RPH3AL: variants seen among roughly 807,000 people sequenced by gnomAD.
RPH3AL encodes rabphilin 3A like (without C2 domains), also known as rab effector Noc2.
Under a neutral mutation model 43.1 loss-of-function variants are expected in RPH3AL, and 38 were observed. The ratio of observed to expected loss-of-function variants is 0.88; its 90% confidence interval spans 0.68 to 1.15. The LOEUF is 1.15. Ranked by LOEUF, RPH3AL falls within the 50% of genes most tolerant of loss-of-function variation. The pLI is 0.00. For synonymous variants in RPH3AL, 189 were observed against 176.3 expected (o/e 1.07, Z -0.57); for missense variants, 462 against 423.2 (o/e 1.09, Z -0.81).
At chr17:244,317 G>A (rs1175526484) in intron 7 of RPH3AL, among the ~76,000 whole-genome samples, 1 of 149,954 alleles carries the variant, frequency 6.7e-6, no homozygotes, top group African/African-American at 2.4e-5. Context: ...TTCCAACAGG[G>A]CATGAGAAAG....
At chr17:234,276 C>T (rs570256877) in intron 7 of RPH3AL, 1 of 133,574 alleles carries the variant, frequency 7.5e-6, no homozygotes, top group South Asian at 1.2e-4. Flanking sequence ...GAGCAGGGAG[C>T]GGCTACTTAC....
In RPH3AL at chr17:320,520, G is replaced by A. The variant is rs140019427; in HGVS notation, c.221+752C>T. Among the ~76,000 whole-genome samples the A allele has an allele frequency of 2.2e-4, 33 of 152,088 alleles. No individual in the cohort carries two copies. The East Asian group carries it at 4.6e-3, about 21-fold the overall frequency. On this transcript the variant is annotated intron_variant, in intron 4 of 9. Coordinates refer to ENST00000331302, the MANE Select transcript of RPH3AL (RefSeq NM_006987.4). ...GCTGGGTGTGGTGGTGCCCACGCACGGTCCTAGCTACTTAAGGCTGAGGTG... is the reference window on the plus strand; with the variant it reads ...GCTGGGTGTGGTGGTGCCCACGCACAGTCCTAGCTACTTAAGGCTGAGGTG...
intron 3 of RPH3AL, among the ~76,000 whole-genome samples, chr17:326,065 C>T (rs1219598615): frequency 3.3e-5 from 5 of 152,222 alleles, no homozygotes; most frequent in South Asian, 2.1e-4. Flanking sequence ...TGGGCCCTGT[C>T]GAGAGCACAG....
intron 5 of RPH3AL, among the ~76,000 whole-genome samples, chr17:314,411 A>C (rs1555518070): frequency 6.6e-6 from 1 of 151,294 alleles, no homozygotes; most frequent in Non-Finnish European, 1.5e-5. Flanking sequence ...TCTGTGCCCC[A>C]CCTCCACTGA....
chr17:289,121 G>C lies in RPH3AL; in HGVS notation c.352-7267C>G, dbSNP rs1391394534. ...CCGTTTAGAGGTGAACTTGGACTCG[G>C]TACTCGCCTTCTGAGCCTCACTTCC... On this transcript the variant is annotated intron_variant, in intron 5 of 9. Transcript: ENST00000331302. The surrounding 1 kb of genome is among the most constrained non-coding windows in gnomAD (Gnocchi z 5.2). Among the ~76,000 whole-genome samples the C allele has an allele frequency of 6.6e-6, 1 of 152,146 alleles. No individual in the cohort carries two copies. The highest frequency in any genetic ancestry group is 1.5e-5 in the Non-Finnish European group (1 of 68,032).
At chr17:349,868 T>C (rs1156829787) in intron 1 of RPH3AL, among the ~76,000 whole-genome samples, 4 of 151,992 alleles carry the variant, frequency 2.6e-5, no homozygotes, top group Admixed American at 6.6e-5. Context: ...TCACTCACAA[T>C]CTCCACTGCA....
At chr17:337,407 C>A (rs2044988520) in intron 1 of RPH3AL, among the ~76,000 whole-genome samples, 1 of 152,196 alleles carries the variant, frequency 6.6e-6, no homozygotes. Context: ...AGCCTGCCAA[C>A]AAAATTTTAT....
intron 7 of RPH3AL, among the ~76,000 whole-genome samples, chr17:221,294 A>G (rs2040965659): frequency 3.0e-5 from 3 of 100,180 alleles, no homozygotes; most frequent in Non-Finnish European, 6.3e-5. Context: ...TCACTGAGAC[A>G]ATAGACCCAA....
intron 6 of RPH3AL, among the ~76,000 whole-genome samples, chr17:269,054 A>AT (rs1286902518): frequency 3.3e-5 from 5 of 151,746 alleles, no homozygotes; most frequent in East Asian, 1.9e-4. Flanking sequence ...AATTTTTTGT[A>AT]TTTTTAGTAG....
At chr17:219,513 T>G in intron 8 of RPH3AL, 110 bp downstream of exon 8, 2 of 314,768 alleles carry the variant, frequency 6.4e-6, no homozygotes, top group African/African-American at 2.8e-5. Flanking sequence ...TTTCATTTCT[T>G]TTCTTTTTCT....
chr17:218,611 G>A (rs2040873477), intron 8 of RPH3AL, among the ~76,000 whole-genome samples: 1 of 152,156 alleles, frequency 6.6e-6, no homozygotes, highest in South Asian at 2.1e-4. Flanking sequence ...AATGAAGCTG[G>A]CCCTTTTCCC....
At position 323,543 on chromosome 17, in the gene RPH3AL, T is replaced by G. The variant is rs573898906; in HGVS notation, c.78-2128A>C. On this transcript the variant is annotated intron_variant, in intron 3 of 9. Transcript: ENST00000331302. The surrounding 1 kb of genome is among the most constrained non-coding windows in gnomAD (Gnocchi z 4.4). Reference sequence around the variant, plus strand: ...GGTCAGTGATGGGCCAGGACACACTTCGTGTGGTTCCCGGGCCAGGGGAAG... The same window carrying G: ...GGTCAGTGATGGGCCAGGACACACTGCGTGTGGTTCCCGGGCCAGGGGAAG... Among the ~76,000 whole-genome samples the G allele has an allele frequency of 3.3e-5, 5 of 152,266 alleles. No individual in the cohort carries two copies. The East Asian group carries it at 9.6e-4, about 29-fold the overall frequency.
At chr17:222,326 C>G (rs946800069) in intron 7 of RPH3AL, among the ~76,000 whole-genome samples, 1 of 152,250 alleles carries the variant, frequency 6.6e-6, no homozygotes, top group Non-Finnish European at 1.5e-5. Flanking sequence ...CTCCGTGGCT[C>G]CTGCTCACAA....
chr17:332,097 C>T (rs947332044), intron 2 of RPH3AL: 20 of 354,338 alleles, frequency 5.6e-5, no homozygotes, highest in African/African-American at 2.8e-4. Flanking sequence ...GGGGAGAAGA[C>T]GGAGGAGATT....
At chr17:338,536 T>G (rs2045021122) in intron 1 of RPH3AL, 1 of 152,110 alleles carries the variant, frequency 6.6e-6, no homozygotes, top group African/African-American at 2.4e-5. Flanking sequence ...TCAAACTTAC[T>G]GCAAACGTGA....
rs2042830634 is a variant in RPH3AL at position 283,394 on chromosome 17, G to A, written c.352-1540C>T. On this transcript the variant is annotated intron_variant, in intron 5 of 9. Coordinates refer to ENST00000331302, the MANE Select transcript of RPH3AL (RefSeq NM_006987.4). This position sits in a 1 kb window ranked among gnomAD's most constrained non-coding sequence, Gnocchi z 4.2. ...ACGGAAGCTATGATACATTCCTGCG[G>A]GGGACGGATTTGCTACCATCCAATG... Among the ~76,000 whole-genome samples, 1 of 152,160 alleles carries A rather than the reference G, an allele frequency of 6.6e-6. No homozygotes were observed. Among genetic ancestry groups the A allele is most frequent in the Non-Finnish European group, 1.5e-5 (1 of 68,018 alleles).
chr17:312,425 G>A (rs1257617098), intron 5 of RPH3AL, among the ~76,000 whole-genome samples: 1 of 152,210 alleles, frequency 6.6e-6, no homozygotes. Flanking sequence ...GAATCAGCCA[G>A]CACCTTGATC....
chr17:301,544 A>T (rs957813956), intron 5 of RPH3AL, among the ~76,000 whole-genome samples: 3 of 152,070 alleles, frequency 2.0e-5, no homozygotes, highest in Non-Finnish European at 4.4e-5. Context: ...GGCTCAAGGG[A>T]TCCTCCTGCC....
intron 7 of RPH3AL, among the ~76,000 whole-genome samples, chr17:223,602 C>T (rs2041040851): frequency 6.6e-6 from 1 of 152,178 alleles, no homozygotes; most frequent in Non-Finnish European, 1.5e-5. Flanking sequence ...CCAGTGAGCC[C>T]TTTCTGGAGC....
Sources: gnomAD v4.1 joint callset for allele counts (sites outside exome capture counted in the v4.1 genomes callset) on GRCh38, gnomAD v4.1.1 for gene constraint, Gnocchi (gnomAD v3.1) non-coding constraint, MANE v1.5 for transcripts, NCBI Gene and HGNC (gene_info 2026-07-23, HGNC 2026-07-21) for gene names.